Variants in IFNA16 observed in about 807,000 individuals in gnomAD.
IFNA16 encodes interferon alpha-16.
For missense variants in IFNA16, 332 were observed against 213.5 expected (o/e 1.55, Z -3.46); for synonymous variants, 122 against 83.3 (o/e 1.46, Z -2.53).
In IFNA16 at chr9:21,216,633, A is replaced by T; in HGVS notation, c.*103T>A. 1 of 1,502,818 alleles carries T rather than the reference A, an allele frequency of 6.7e-7. No individual in the cohort carries two copies. The highest frequency in any genetic ancestry group is 9.0e-7 in the Non-Finnish European group (1 of 1,116,856). 93.1% of individuals were successfully genotyped at this position (1,502,818 alleles called of 1,614,324 possible). A position where few individuals can be genotyped will look rare whatever the true frequency, so the allele number is the denominator to read the frequency against. On this transcript the variant is annotated 3_prime_UTR_variant, in exon 1 of 1. Transcript: ENST00000380216. Reference sequence around the variant, plus strand: ...TGAAAACATTTGAAAATTTTGATTCAACTTGTGGTGGTTATAGAAGTGAGT... The same window carrying T: ...TGAAAACATTTGAAAATTTTGATTCTACTTGTGGTGGTTATAGAAGTGAGT...
Position 21,216,778 on chromosome 9 carries a change from A to C in IFNA16, c.528T>G (p.Ser176=). 6.2e-7 allele frequency: 1 copy of C among 1,613,542 alleles called. No homozygotes were observed. The highest frequency in any genetic ancestry group is 1.1e-5 in the South Asian group (1 of 90,896). The change falls in exon 1 of 1, where the codon TCT becomes TCG. Residue 176 remains serine (S), a synonymous_variant. Coordinates refer to ENST00000380216, the MANE Select transcript of IFNA16 (RefSeq NM_002173.3). ...VVRAEIMRSF[S]FSTNLQKGLR... ...ATCCTTTTTGCAAGTTTGTTGAAAAAGAGAAGGATCTCATGATTTCTGCTC... is the reference window on the plus strand; with the variant it reads ...ATCCTTTTTGCAAGTTTGTTGAAAACGAGAAGGATCTCATGATTTCTGCTC...
Position 21,216,694 on chromosome 9 carries a change from A to C in IFNA16, c.*42T>G, listed in dbSNP as rs371546253. ...GAAGAACTCATGAAAGTGTGAGATG[A>C]TGTATTAATCAATGAGGATCATTTC... On this transcript the variant is annotated 3_prime_UTR_variant, in exon 1 of 1. Transcript: ENST00000380216. The C allele has an allele frequency of 3.1e-6, 5 of 1,595,980 alleles. No homozygotes were observed. In the African/African-American group the frequency reaches 5.4e-5, roughly 17 times the overall value.
Position 21,216,944 on chromosome 9 carries a change from G to C in IFNA16, c.362C>G (p.Ala121Gly). The stretch of plus-strand genomic sequence containing the variant: ...CACCCCAACCTCCTGTGTCACACAG[G>C]CTTCTAGGTCATTCAGTTGCTGGAA... ...ELFQQLNDLEACVTQEVGVEE... is the reference protein window; with the variant it reads ...ELFQQLNDLEGCVTQEVGVEE... Residue 121 changes from alanine (A) to glycine (G), a missense_variant, in exon 1 of 1, where the codon GCC (alanine) becomes GGC (glycine). Coordinates refer to ENST00000380216, the MANE Select transcript of IFNA16 (RefSeq NM_002173.3). 1 of 1,613,858 alleles carries C rather than the reference G, an allele frequency of 6.2e-7. No homozygotes were observed. The highest frequency in any genetic ancestry group is 8.5e-7 in the Non-Finnish European group (1 of 1,179,924).
rs1818454019 is a variant in IFNA16 at position 21,216,558 on chromosome 9, T to A, written c.*178A>T. 1 of 658,788 alleles carries A rather than the reference T, an allele frequency of 1.5e-6. No individual in the cohort carries two copies. The highest frequency in any genetic ancestry group is 1.9e-5 in the African/African-American group (1 of 53,304). The allele number at this position is 658,788 out of a possible 1,614,324, so 40.8% of individuals were successfully genotyped here. ...GAATAGAGACATCAGCATGGTCATC[T>A]GTAAAGGACTAGTGCCTGCACAGGT... On this transcript the variant is annotated 3_prime_UTR_variant, in exon 1 of 1. Transcript: ENST00000380216.
Position 21,216,942 on chromosome 9 carries a change from A to C in IFNA16, c.364T>G (p.Cys122Gly). 1.2e-6 allele frequency: 2 copies of C among 1,613,964 alleles called. No homozygotes were observed. The highest frequency in any genetic ancestry group is 1.7e-6 in the Non-Finnish European group (2 of 1,179,944). ...TCCACCCCAACCTCCTGTGTCACAC[A>C]GGCTTCTAGGTCATTCAGTTGCTGG... ...LFQQLNDLEACVTQEVGVEEI... is the reference protein window; with the variant it reads ...LFQQLNDLEAGVTQEVGVEEI... Residue 122 changes from cysteine (C) to glycine (G), a missense_variant, in exon 1 of 1, where the codon TGT becomes GGT. Physicochemically the swap from Cys to Gly is radical, Grantham distance 159 (BLOSUM62 -3). Coordinates refer to ENST00000380216, the MANE Select transcript of IFNA16 (RefSeq NM_002173.3).
chr9:21,217,294 G>C lies in IFNA16; in HGVS notation c.12C>G (p.Ser4=), dbSNP rs1355479199. 1 of 1,610,272 alleles carries C rather than the reference G, an allele frequency of 6.2e-7. No individual in the cohort carries two copies. ...CCAGCACGGCCATCAGTAAAGAAAA[G>C]GACAGGGCCATTGGGATGTTGCAAA... The part of the protein sequence containing the change: MAL[S]FSLLMAVLVL... The change falls in exon 1 of 1, where the codon TCC becomes TCG. Residue 4 remains serine (S), a synonymous_variant. Transcript: ENST00000380216.
chr9:21,216,592 T>C lies in IFNA16; in HGVS notation c.*144A>G. 1.7e-6 allele frequency: 2 copies of C among 1,210,434 alleles called. No individual in the cohort carries two copies. Among genetic ancestry groups the C allele is most frequent in the Non-Finnish European group, 2.3e-6 (2 of 873,548 alleles). The allele number at this position is 1,210,434 out of a possible 1,614,324, so 75.0% of individuals were successfully genotyped here. A position where few individuals can be genotyped will look rare whatever the true frequency, so the allele number is the denominator to read the frequency against. ...CTAGTGCCTGCACAGGTAAACACGA[T>C]GCTTCTTTACACTCCTGAAAACATT... On this transcript the variant is annotated 3_prime_UTR_variant, in exon 1 of 1. Coordinates refer to ENST00000380216, the MANE Select transcript of IFNA16 (RefSeq NM_002173.3).
Position 21,216,538 on chromosome 9 carries a change from G to C in IFNA16, c.*198C>G, listed in dbSNP as rs1429499885. On this transcript the variant is annotated 3_prime_UTR_variant, in exon 1 of 1. Transcript: ENST00000380216. ...AAATATTTAAATAAATAGATGAATA[G>C]AGACATCAGCATGGTCATCTGTAAA... The C allele has an allele frequency of 2.6e-4, 120 of 460,126 alleles. No homozygotes were observed. The allele number at this position is 460,126 out of a possible 1,614,324, so 28.5% of individuals were successfully genotyped here.
chr9:21,217,046 G>A lies in IFNA16; in HGVS notation c.260C>T (p.Thr87Ile). 2.5e-6 allele frequency: 4 copies of A among 1,613,846 alleles called. No individual in the cohort carries two copies. Among genetic ancestry groups the A allele is most frequent in the Admixed American group, 3.3e-5 (2 of 59,982 alleles). Residue 87 changes from threonine (T) to isoleucine (I), a missense_variant, in exon 1 of 1, where the codon ACC becomes ATC. Thr to Ile is a moderately conservative substitution (Grantham distance 89, BLOSUM62 -1). Transcript: ENST00000380216. The stretch of plus-strand genomic sequence containing the variant: ...ATCCTTTGTGCTGAAGAGATTGAAG[G>A]TCTGCTGGATCATCTCATGGAAGGC... ...ISAFHEMIQQTFNLFSTKDSS... is the reference protein window; with the variant it reads ...ISAFHEMIQQIFNLFSTKDSS...
At position 21,216,710 on chromosome 9, in the gene IFNA16, G is replaced by C; in HGVS notation, c.*26C>G. ...TGTGAGATGATGTATTAATCAATGA[G>C]GATCATTTCCATGTTGAATGAGTTT... is the stretch of plus-strand genomic sequence containing the variant. On this transcript the variant is annotated 3_prime_UTR_variant, in exon 1 of 1. Transcript: ENST00000380216. The C allele has an allele frequency of 6.2e-7, 1 of 1,608,146 alleles. No homozygotes were observed. The highest frequency in any genetic ancestry group is 1.1e-5 in the South Asian group (1 of 90,102).
chr9:21,216,856 G>A lies in IFNA16; in HGVS notation c.450C>T (p.Ile150=), dbSNP rs1239715118. 17 of 1,613,870 alleles carry A rather than the reference G, an allele frequency of 1.1e-5. No homozygotes were observed. The highest frequency in any genetic ancestry group is 3.3e-5 in the Admixed American group (2 of 59,954). Reference sequence around the variant, plus strand: ...ATTTCTTCCCCATCAGATAAAGAGTGATTCTTTGAAAGTATTTCCTCACAG... The same window carrying A: ...ATTTCTTCCCCATCAGATAAAGAGTAATTCTTTGAAAGTATTTCCTCACAG... ...ILAVRKYFQR[I]TLYLMGKKYS... Residue 150 remains isoleucine (I), a synonymous_variant, in exon 1 of 1, where the codon ATC becomes ATT. Transcript: ENST00000380216.
chr9:21,217,048 C>G lies in IFNA16; in HGVS notation c.258G>C (p.Gln86His). 6.2e-7 allele frequency: 1 copy of G among 1,613,882 alleles called. No individual in the cohort carries two copies. The highest frequency in any genetic ancestry group is 8.5e-7 in the Non-Finnish European group (1 of 1,179,844). ...AISAFHEMIQQTFNLFSTKDS... is the reference protein window; with the variant it reads ...AISAFHEMIQHTFNLFSTKDS... ...CCTTTGTGCTGAAGAGATTGAAGGT[C>G]TGCTGGATCATCTCATGGAAGGCAG... Residue 86 changes from glutamine (Q) to histidine (H), a missense_variant, in exon 1 of 1, where the codon CAG becomes CAC. Transcript: ENST00000380216.
In IFNA16 at chr9:21,216,659, C is replaced by A; in HGVS notation, c.*77G>T. The A allele has an allele frequency of 6.4e-7, 1 of 1,555,688 alleles. No individual in the cohort carries two copies. Among genetic ancestry groups the A allele is most frequent in the African/African-American group, 1.4e-5 (1 of 72,340 alleles). On this transcript the variant is annotated 3_prime_UTR_variant, in exon 1 of 1. Coordinates refer to ENST00000380216, the MANE Select transcript of IFNA16 (RefSeq NM_002173.3). ...ACTTGTGGTGGTTATAGAAGTGAGT[C>A]TTTGAAATGGAAGAACTCATGAAAG...
In IFNA16 at chr9:21,217,000, C is replaced by G. The variant is rs951527831; in HGVS notation, c.306G>C (p.Glu102Asp). The G allele has an allele frequency of 6.2e-7, 1 of 1,613,702 alleles. No homozygotes were observed. Among genetic ancestry groups the G allele is most frequent in the African/African-American group, 1.3e-5 (1 of 74,826 alleles). Residue 102 changes from glutamate (E) to aspartate (D), a missense_variant, in exon 1 of 1, where the codon GAG becomes GAC. By Grantham distance (45) the Glu-to-Asp change is conservative. Transcript: ENST00000380216. ...STKDSSAAWD[E>D]TLLDKFYIEL... ...CAATGTAGAATTTGTCTAGGAGGGT[C>G]TCATCCCAAGCAGCAGATGAATCCT...
Position 21,216,837 on chromosome 9 carries a change from T to C in IFNA16, c.469A>G (p.Lys157Glu). ...FQRITLYLMG[K>E]KYSPCAWEVV... ...TCCCAGGCACAAGGGCTGTATTTCTTCCCCATCAGATAAAGAGTGATTCTT... is the reference window on the plus strand; with the variant it reads ...TCCCAGGCACAAGGGCTGTATTTCTCCCCCATCAGATAAAGAGTGATTCTT... Residue 157 changes from lysine to glutamate, a missense_variant, in exon 1 of 1, where the codon AAG becomes GAG. Coordinates refer to ENST00000380216, the MANE Select transcript of IFNA16 (RefSeq NM_002173.3). The C allele has an allele frequency of 1.2e-6, 2 of 1,613,988 alleles. No individual in the cohort carries two copies. The highest frequency in any genetic ancestry group is 4.5e-5 in the East Asian group (2 of 44,868).
rs759264316 is a variant in IFNA16 at position 21,217,011 on chromosome 9, C to A, written c.295G>T (p.Ala99Ser). The change falls in exon 1 of 1, where the codon GCT (alanine) becomes TCT (serine). Residue 99 changes from alanine (A) to serine (S), a missense_variant. Ala to Ser is a moderately conservative substitution (Grantham distance 99, BLOSUM62 1). Coordinates refer to ENST00000380216, the MANE Select transcript of IFNA16 (RefSeq NM_002173.3). ...NLFSTKDSSA[A>S]WDETLLDKFY... ...TTGTCTAGGAGGGTCTCATCCCAAG[C>A]AGCAGATGAATCCTTTGTGCTGAAG... 6.2e-7 allele frequency: 1 copy of A among 1,613,848 alleles called. No individual in the cohort carries two copies. The highest frequency in any genetic ancestry group is 1.7e-5 in the Admixed American group (1 of 59,988).
At position 21,217,152 on chromosome 9, in the gene IFNA16, A is replaced by G. The variant is rs1818472094; in HGVS notation, c.154T>C (p.Cys52Arg). 5.6e-6 allele frequency: 9 copies of G among 1,613,978 alleles called. No homozygotes were observed. The highest frequency in any genetic ancestry group is 1.1e-5 in the South Asian group (1 of 91,076). Residue 52 changes from cysteine (C) to arginine (R), a missense_variant, in exon 1 of 1, where the codon TGC (cysteine) becomes CGC (arginine). Coordinates refer to ENST00000380216, the MANE Select transcript of IFNA16 (RefSeq NM_002173.3). ...CCGAAATCATATCTGTCCTTCAGGC[A>G]GGAGAAATGAGAGATTCTTCCCATT... is the stretch of plus-strand genomic sequence containing the variant. ...AQMGRISHFSCLKDRYDFGFP... is the reference protein window; with the variant it reads ...AQMGRISHFSRLKDRYDFGFP...
In IFNA16 at chr9:21,217,113, C is replaced by T. The variant is rs1324821979; in HGVS notation, c.193G>A (p.Val65Met). 9 of 1,613,880 alleles carry T rather than the reference C, an allele frequency of 5.6e-6. No individual in the cohort carries two copies. The highest frequency in any genetic ancestry group is 1.1e-5 in the South Asian group (1 of 91,086). Residue 65 changes from valine to methionine, a missense_variant, in exon 1 of 1, where the codon GTG (valine) becomes ATG (methionine). Coordinates refer to ENST00000380216, the MANE Select transcript of IFNA16 (RefSeq NM_002173.3). ...TTCTGGAACTGGTTGCCATCAAACACCTCCTGGGGGAATCCGAAATCATAT... is the reference window on the plus strand; with the variant it reads ...TTCTGGAACTGGTTGCCATCAAACATCTCCTGGGGGAATCCGAAATCATAT... ...DRYDFGFPQE[V>M]FDGNQFQKAQ...
In IFNA16 at chr9:21,216,826, G is replaced by C; in HGVS notation, c.480C>G (p.Ser160Arg). The part of the protein sequence containing the change: ...ITLYLMGKKY[S>R]PCAWEVVRAE... ...CTCTGACAACCTCCCAGGCACAAGG[G>C]CTGTATTTCTTCCCCATCAGATAAA... Residue 160 changes from serine to arginine, a missense_variant, in exon 1 of 1, where the codon AGC (serine) becomes AGG (arginine). Ser to Arg is a moderately radical substitution (Grantham distance 110). Coordinates refer to ENST00000380216, the MANE Select transcript of IFNA16 (RefSeq NM_002173.3). 6.2e-7 allele frequency: 1 copy of C among 1,613,956 alleles called. No individual in the cohort carries two copies. The highest frequency in any genetic ancestry group is 8.5e-7 in the Non-Finnish European group (1 of 1,179,934).
Sources: gnomAD v4.1 joint callset for allele counts on GRCh38, gnomAD v4.1.1 for gene constraint, MANE v1.5 for transcripts, NCBI Gene and HGNC (gene_info 2026-07-23, HGNC 2026-07-21) for gene names.